The following CCDC3 variants were observed in gnomAD, a reference collection of about 807,000 sequenced individuals.
CCDC3 encodes the protein coiled-coil domain-containing protein 3.
A neutral mutation model predicts 21.4 loss-of-function variants in CCDC3; 24 were observed. The observed-to-expected ratio is 1.12, with a 90% CI of 0.81 to 1.58. CCDC3 has a LOEUF of 1.58. Ranked by LOEUF, CCDC3 falls within the 40% of genes most tolerant of loss-of-function variation. The pLI is 0.00. For synonymous variants in CCDC3, 186 were observed against 166.0 expected (o/e 1.12, Z -0.93); for missense variants, 425 against 360.9 (o/e 1.18, Z -1.44).
intron 2 of CCDC3, among the ~76,000 whole-genome samples, chr10:12,962,900 C>T (rs1835201203): frequency 2.6e-5 from 4 of 152,098 alleles, no homozygotes; most frequent in Admixed American, 2.0e-4. Context: ...TTCTTTTTGG[C>T]TAGGGTTGAC....
intron 2 of CCDC3, among the ~76,000 whole-genome samples, chr10:12,956,163 G>A (rs1835080762): frequency 6.6e-6 from 1 of 152,162 alleles, no homozygotes. Flanking sequence ...TTGTTTCAGT[G>A]ACTTGTGACC....
intron 2 of CCDC3, among the ~76,000 whole-genome samples, chr10:12,911,123 A>T (rs1006696744): frequency 6.6e-6 from 1 of 152,126 alleles, no homozygotes; most frequent in Admixed American, 6.5e-5. Flanking sequence ...GTTCATTCTC[A>T]TCCTGGTTCC....
intron 4 of CCDC3, among the ~76,000 whole-genome samples, chr10:13,054,064 A>T (rs1184163441): frequency 6.6e-6 from 1 of 150,612 alleles, no homozygotes. Context: ...GGAATTGCTT[A>T]AACCCAGGAG....
At chr10:13,062,322 A>G (rs969003435) in intron 4 of CCDC3, among the ~76,000 whole-genome samples, 1 of 152,172 alleles carries the variant, frequency 6.6e-6, no homozygotes, top group African/African-American at 2.4e-5. Flanking sequence ...GTTGCTAGAA[A>G]GCTTAGAGTC....
In CCDC3 at chr10:13,014,703, G is replaced by T. The variant is rs1341187905; in HGVS notation, c.-1-16191C>A. 3.3e-5 allele frequency among the ~76,000 whole-genome samples: 5 copies of T among 152,010 alleles called. No individual in the cohort carries two copies. The South Asian group carries it at 6.2e-4, about 19-fold the overall frequency. On this transcript the variant is annotated intron_variant, in intron 5 of 6. Coordinates refer to the CCDC3 transcript ENST00000378839. Reference sequence around the variant, plus strand: ...GATGATGAGTATCCTATAGCGGTTTGTTGGTACTGGGCTTGCAACTTTTTT... The same window carrying T: ...GATGATGAGTATCCTATAGCGGTTTTTTGGTACTGGGCTTGCAACTTTTTT...
intron 4 of CCDC3, among the ~76,000 whole-genome samples, chr10:13,071,469 C>T (rs541962570): frequency 1.8e-4 from 28 of 152,182 alleles, no homozygotes; most frequent in Admixed American, 1.3e-4. Flanking sequence ...TCCCATTACA[C>T]GGATAAAGGT....
At chr10:12,934,664 C>T (rs1231939007) in intron 2 of CCDC3, among the ~76,000 whole-genome samples, 1 of 152,170 alleles carries the variant, frequency 6.6e-6, no homozygotes, top group Non-Finnish European at 1.5e-5. Context: ...ATTATGCCTT[C>T]TTGGAGTAGT....
chr10:12,962,327 G>A (rs1179690719), intron 2 of CCDC3, among the ~76,000 whole-genome samples: 4 of 152,162 alleles, frequency 2.6e-5, no homozygotes, highest in Non-Finnish European at 4.4e-5. Context: ...GCTTTTGGCC[G>A]GGCACAGTGG....
At chr10:12,990,263 C>CAAAAAAAA (rs61700228) in intron 2 of CCDC3, among the ~76,000 whole-genome samples, 2 of 99,800 alleles carry the variant, frequency 2.0e-5, no homozygotes, top group African/African-American at 3.6e-5. Flanking sequence ...CCGTCTCAAC[C>CAAAAAAAA]AAAAAAAAAA....
intron 5 of CCDC3, among the ~76,000 whole-genome samples, chr10:13,010,777 G>A (rs1456249965): frequency 1.3e-5 from 2 of 152,174 alleles, no homozygotes; most frequent in Non-Finnish European, 2.9e-5. Context: ...TCAATAGTAA[G>A]CAATGAACTA....
At position 13,042,160 on chromosome 10, in the gene CCDC3, G is replaced by A. The variant is rs529290524; in HGVS notation, c.-2+7514C>T. 6.1e-4 allele frequency among the ~76,000 whole-genome samples: 93 copies of A among 152,210 alleles called. 1 individual carries two copies. The highest frequency in any genetic ancestry group is 1.1e-3 in the Non-Finnish European group (74 of 68,038). On this transcript the variant is annotated intron_variant, in intron 5 of 6. Coordinates refer to the CCDC3 transcript ENST00000378839. ...ATGCCGTTTCCTGCTGTGTGATCCC[G>A]TGCAAATCACTGAAATCCTCTGAGC...
intron 5 of CCDC3, among the ~76,000 whole-genome samples, chr10:13,017,338 A>G (rs1836077479): frequency 6.6e-6 from 1 of 151,818 alleles, no homozygotes; most frequent in Admixed American, 6.6e-5. Flanking sequence ...CCAACATGGT[A>G]AAACTTCACC....
chr10:12,935,079 A>T (rs1470351744), intron 2 of CCDC3, among the ~76,000 whole-genome samples: 1 of 150,740 alleles, frequency 6.6e-6, no homozygotes, highest in Non-Finnish European at 1.5e-5. Context: ...TTTTTAAGAG[A>T]TAGGGTCTTG....
At chr10:12,960,851 G>A (rs1692823704) in intron 2 of CCDC3, among the ~76,000 whole-genome samples, 3 of 152,146 alleles carry the variant, frequency 2.0e-5, no homozygotes, top group African/African-American at 7.2e-5. Context: ...AAACAAGCAG[G>A]GTAACATGTG....
At chr10:13,085,012 G>A (rs1010708817) in intron 3 of CCDC3, among the ~76,000 whole-genome samples, 9 of 152,156 alleles carry the variant, frequency 5.9e-5, no homozygotes, top group African/African-American at 1.7e-4. Context: ...TTTCACACTT[G>A]TTCAGAACCC....
chr10:12,950,280 T>A (rs1257577526), intron 2 of CCDC3, among the ~76,000 whole-genome samples: 1 of 152,176 alleles, frequency 6.6e-6, no homozygotes, highest in African/African-American at 2.4e-5. Context: ...TAACTACACA[T>A]GACAAATAAG....
intron 5 of CCDC3, among the ~76,000 whole-genome samples, chr10:13,032,254 A>C (rs1452840876): frequency 6.6e-6 from 1 of 152,204 alleles, no homozygotes; most frequent in Non-Finnish European, 1.5e-5. Context: ...CGATTATCTC[A>C]ATACATGCAG....
intron 5 of CCDC3, among the ~76,000 whole-genome samples, chr10:13,014,396 G>A (rs979254976): frequency 1.5e-4 from 22 of 147,990 alleles, no homozygotes; most frequent in Non-Finnish European, 5.9e-5. Context: ...CTTGCAGTGA[G>A]CCAAGATCGT....
chr10:13,083,799 AGACAG>A (rs772439630), intron 3 of CCDC3, among the ~76,000 whole-genome samples: 1 of 152,220 alleles, frequency 6.6e-6, no homozygotes, highest in Non-Finnish European at 1.5e-5. Flanking sequence ...CAGCCAATGG[AGACAG>A]GACAGAGTAG....
Sources: allele counts gnomAD v4.1 joint callset (sites outside exome capture counted in the v4.1 genomes callset), GRCh38; gene constraint gnomAD v4.1.1; transcripts MANE v1.5; gene names NCBI Gene and HGNC (gene_info 2026-07-23, HGNC 2026-07-21).